Variants in ZMYM2 observed in about 807,000 individuals in gnomAD.
ZMYM2 encodes the protein zinc finger MYM-type containing 2.
Under a neutral mutation model 162.8 loss-of-function variants are expected in ZMYM2, and 56 were observed. The observed-to-expected ratio is 0.34, with a 90% CI of 0.28 to 0.43. The LOEUF (loss-of-function observed/expected upper bound fraction) is 0.43, where lower values mean the gene tolerates loss of function less well. Ranked by LOEUF, ZMYM2 falls within the 20% of genes least tolerant of loss-of-function variation. The probability of loss-of-function intolerance (pLI) is 1.00; values close to 1 mark genes in which losing one functional copy is unlikely to be tolerated. For synonymous variants in ZMYM2, 510 were observed against 541.6 expected (o/e 0.94, Z 0.81); for missense variants, 1,275 against 1,621.8 (o/e 0.79, Z 3.67).
rs145243906 is a variant in ZMYM2 at position 20,062,880 on chromosome 13, C to A, written c.2946C>A (p.Asp982Glu). Residue 982 changes from aspartate (D) to glutamate (E), a missense_variant, in exon 18 of 25, where the codon GAC becomes GAA. Transcript: ENST00000610343. ...VIIETDIIGSDLLKNSDPETQ... is the reference protein window; with the variant it reads ...VIIETDIIGSELLKNSDPETQ... ...TTGAAACAGATATAATTGGTTCAGA[C>A]CTTTTGAAGAACTCTGACCCAGAGA... 1.7e-4 allele frequency: 269 copies of A among 1,591,090 alleles called. 2 individuals carry two copies. In the African/African-American group the frequency reaches 3.3e-3, roughly 19 times the overall value.
intron 3 of ZMYM2, among the ~76,000 whole-genome samples, chr13:19,994,991 C>G (rs1949911356): frequency 8.5e-6 from 1 of 117,362 alleles, no homozygotes; most frequent in South Asian, 3.3e-4. Context: ...AGCCACCATG[C>G]CTGGCTAAAT....
intron 2 of ZMYM2, among the ~76,000 whole-genome samples, chr13:19,991,961 C>T (rs1333366349): frequency 1.3e-5 from 2 of 152,070 alleles, no homozygotes; most frequent in Non-Finnish European, 2.9e-5. Flanking sequence ...CTTGTGAGTA[C>T]ATTTGTGACC....
chr13:19,977,317 G>A (rs1006518227), intron 2 of ZMYM2, among the ~76,000 whole-genome samples: 4 of 151,940 alleles, frequency 2.6e-5, no homozygotes, highest in South Asian at 2.1e-4. Flanking sequence ...CATGGTGCCC[G>A]GCCCTAAAGT....
At chr13:20,004,339 T>C (rs1466308870) in intron 4 of ZMYM2, among the ~76,000 whole-genome samples, 2 of 152,148 alleles carry the variant, frequency 1.3e-5, no homozygotes, top group East Asian at 1.9e-4. Flanking sequence ...CACTGCAAGC[T>C]CCGTCTCCTG....
At chr13:20,063,082 ATTC>A (rs1593183913) in intron 18 of ZMYM2, 111 bp downstream of exon 18, 2 of 1,271,382 alleles carry the variant, frequency 1.6e-6, no homozygotes, top group East Asian at 5.6e-5. Context: ...CATATTTTTT[ATTC>A]TTGTTATTTT....
intron 2 of ZMYM2, among the ~76,000 whole-genome samples, chr13:19,973,380 C>T (rs1317875963): frequency 6.6e-6 from 1 of 151,742 alleles, no homozygotes; most frequent in East Asian, 1.9e-4. Context: ...TAAAACAGTA[C>T]CATAGAGGGG....
the ZMYM2 span, among the ~76,000 whole-genome samples, chr13:19,893,362 A>G: frequency 7.9e-5 from 12 of 151,934 alleles, no homozygotes; most frequent in Non-Finnish European, 1.8e-4. Context: ...GTTCTCTGGT[A>G]GAGTTAAATA....
At chr13:19,954,398 G>A (rs1202198840), upstream of ZMYM2, among the ~76,000 whole-genome samples, 4 of 151,922 alleles carry the variant, frequency 2.6e-5, no homozygotes, top group African/African-American at 4.8e-5. Context: ...TTACAGGCAT[G>A]AGCCACCGCG....
the ZMYM2 span, among the ~76,000 whole-genome samples, chr13:19,903,272 T>C: frequency 6.6e-6 from 1 of 151,926 alleles, no homozygotes; most frequent in Non-Finnish European, 1.5e-5. Flanking sequence ...AAGGCTGCAG[T>C]GAGCCATGAT....
At chr13:19,971,946 A>AG (rs1956372043) in intron 2 of ZMYM2, among the ~76,000 whole-genome samples, 1 of 152,134 alleles carries the variant, frequency 6.6e-6, no homozygotes, top group Non-Finnish European at 1.5e-5. Flanking sequence ...TAAGGAGTTT[A>AG]GGGGTATTAG....
At chr13:19,992,371 G>C (rs142303313) in intron 2 of ZMYM2, among the ~76,000 whole-genome samples, 1 of 152,058 alleles carries the variant, frequency 6.6e-6, no homozygotes, top group Non-Finnish European at 1.5e-5. Context: ...ACCAGCCAGG[G>C]CAACATAGTG....
intron 1 of ZMYM2, among the ~76,000 whole-genome samples, chr13:19,959,401 C>G (rs1227746588): frequency 2.0e-5 from 3 of 152,136 alleles, no homozygotes; most frequent in Admixed American, 6.5e-5. Context: ...TCTTCTTTTC[C>G]TCGGCGCTGC....
chr13:19,884,702 G>A, the ZMYM2 span, among the ~76,000 whole-genome samples: 1 of 152,042 alleles, frequency 6.6e-6, no homozygotes, highest in Non-Finnish European at 1.5e-5. Flanking sequence ...GTTCCTTGCG[G>A]CGGATTCCTG....
chr13:19,884,071 C>CT, the ZMYM2 span, among the ~76,000 whole-genome samples: 1 of 152,142 alleles, frequency 6.6e-6, no homozygotes, highest in African/African-American at 2.4e-5. Flanking sequence ...ATATAAAATT[C>CT]TTTAAAAGTT....
chr13:19,942,596 G>C, the ZMYM2 span, among the ~76,000 whole-genome samples: 1 of 151,486 alleles, frequency 6.6e-6, no homozygotes, highest in African/African-American at 2.4e-5. Context: ...TGTAGTCCCA[G>C]CTACTTGGGA....
Position 19,993,107 on chromosome 13 carries a change from C to A in ZMYM2, c.35C>A (p.Thr12Asn), listed in dbSNP as rs1164909909. 6.2e-7 allele frequency: 1 copy of A among 1,612,510 alleles called. No homozygotes were observed. The highest frequency in any genetic ancestry group is 8.5e-7 in the Non-Finnish European group (1 of 1,179,460). ...DTSSVGGLEL[T>N]DQTPVLLGST... The stretch of plus-strand genomic sequence containing the variant: ...AGTTCAGTGGGAGGATTAGAATTGA[C>A]TGATCAGACTCCTGTTTTATTAGGG... The change falls in exon 3 of 25, where the codon ACT becomes AAT. Residue 12 changes from threonine to asparagine, a missense_variant. Thr to Asn is a moderately conservative substitution (Grantham distance 65). Transcript: ENST00000610343.
intron 12 of ZMYM2, among the ~76,000 whole-genome samples, chr13:20,048,900 C>T (rs1955062124): frequency 6.6e-6 from 1 of 151,548 alleles, no homozygotes; most frequent in South Asian, 2.1e-4. Context: ...TTTTTAAAAC[C>T]AGAGACTTGT....
At chr13:19,921,232 C>T in the ZMYM2 span, among the ~76,000 whole-genome samples, 2 of 152,188 alleles carry the variant, frequency 1.3e-5, no homozygotes, top group South Asian at 4.1e-4. Flanking sequence ...CTCCACCTCC[C>T]AGGTTCAAGC....
chr13:19,904,888 T>C, the ZMYM2 span, among the ~76,000 whole-genome samples: 3 of 152,212 alleles, frequency 2.0e-5, no homozygotes, highest in African/African-American at 7.2e-5. Context: ...AGCAGAATAA[T>C]ATCCACCACA....
Sources: allele counts gnomAD v4.1 joint callset (sites outside exome capture counted in the v4.1 genomes callset), GRCh38; gene constraint gnomAD v4.1.1; transcripts MANE v1.5; gene names NCBI Gene and HGNC (gene_info 2026-07-23, HGNC 2026-07-21).